The following AXL variants were observed in gnomAD, a reference collection of about 807,000 sequenced individuals.
AXL encodes the protein AXL receptor tyrosine kinase.
A neutral mutation model predicts 104.5 loss-of-function variants in AXL; 52 were observed. That is an observed-to-expected ratio of 0.50 (90% confidence interval 0.40 to 0.63). AXL has a LOEUF of 0.63. Ranked by LOEUF, AXL falls within the 20% of genes least tolerant of loss-of-function variation. The pLI is 0.00. For synonymous variants in AXL, 455 were observed against 473.7 expected, an observed-to-expected ratio of 0.96 and a Z score of 0.51; for missense variants, 1,024 against 1,188.5, an observed-to-expected ratio of 0.86 and a Z score of 2.04.
intron 15 of AXL, 125 bp from the exon 16 acceptor site, chr19:41,252,721 A>G (rs947675681): frequency 6.0e-6 from 9 of 1,510,462 alleles, no homozygotes; most frequent in Non-Finnish European, 8.0e-6. Context: ...CACTGCCACT[A>G]CCCCCAAACA....
intron 14 of AXL, among the ~76,000 whole-genome samples, chr19:41,250,314 G>A (rs1350523456): frequency 1.3e-5 from 2 of 152,214 alleles, no homozygotes; most frequent in African/African-American, 4.8e-5. Context: ...TCAGATTGGG[G>A]CTGGTGGTGA....
chr19:41,229,503 G>T (rs1182389922), intron 4 of AXL, among the ~76,000 whole-genome samples: 1 of 152,034 alleles, frequency 6.6e-6, no homozygotes, highest in Admixed American at 6.6e-5. Flanking sequence ...GGCCTCAAGC[G>T]ATCCTCCTGA....
intron 17 of AXL, among the ~76,000 whole-genome samples, chr19:41,254,439 T>A (rs531365629): frequency 6.8e-6 from 1 of 147,880 alleles, no homozygotes; most frequent in Non-Finnish European, 1.5e-5. Flanking sequence ...TAACCTGTAG[T>A]CCCAGCCATT....
At chr19:41,229,154 T>C (rs2033933351) in intron 4 of AXL, among the ~76,000 whole-genome samples, 1 of 152,170 alleles carries the variant, frequency 6.6e-6, no homozygotes, top group Non-Finnish European at 1.5e-5. Context: ...TTTCACTATG[T>C]TGGCCAGGCT....
rs79927887 is a variant in AXL at position 41,229,239 on chromosome 19, G to A, written c.587-1728G>A. Reference sequence around the variant, plus strand: ...GCTGGGATTACGGGCATGAACCACCGTGCCCAGCCTTTATTTTTCATTTTA... The same window carrying A: ...GCTGGGATTACGGGCATGAACCACCATGCCCAGCCTTTATTTTTCATTTTA... On this transcript the variant is annotated intron_variant, in intron 4 of 19. Coordinates refer to ENST00000301178, the MANE Select transcript of AXL (RefSeq NM_021913.5). Among the ~76,000 whole-genome samples the A allele has an allele frequency of 9.6e-3, 1,451 of 151,400 alleles. 33 individuals carry two copies. The highest frequency in any genetic ancestry group is 0.033 in the African/African-American group (1,375 of 41,254).
At chr19:41,257,721 C>A (rs2122293908) in intron 19 of AXL, 92 bp downstream of exon 19, 1 of 1,514,900 alleles carries the variant, frequency 6.6e-7, no homozygotes. Flanking sequence ...CTCTCTATAA[C>A]CCAGACAGAA....
intron 9 of AXL, among the ~76,000 whole-genome samples, 189 bp downstream of exon 9, chr19:41,239,503 T>TTTACCCGTGCCACACCCTCACTCCC (rs1386684105): frequency 1.4e-5 from 2 of 140,880 alleles, no homozygotes; most frequent in Non-Finnish European, 3.1e-5. Context: ...GCCTCACTCC[T>TTTACCCGTGCCACACCCTCACTCCC]TTACCCGTGC....
chr19:41,237,336 A>G (rs2034097303), intron 6 of AXL, among the ~76,000 whole-genome samples: 1 of 152,138 alleles, frequency 6.6e-6, no homozygotes, highest in Non-Finnish European at 1.5e-5. Context: ...TCTGCCTCCC[A>G]GGTTCAAGTG....
At chr19:41,243,246 C>G (rs2122248245) in intron 11 of AXL, among the ~76,000 whole-genome samples, 1 of 152,314 alleles carries the variant, frequency 6.6e-6, no homozygotes, top group South Asian at 2.1e-4. Flanking sequence ...TGGCGAAACC[C>G]TGTCTCTACT....
At position 41,257,533 on chromosome 19, in the gene AXL, G is replaced by C. The variant is rs1328864565; in HGVS notation, c.2237G>C (p.Gly746Ala). The change falls in exon 19 of 20, where the codon GGC (glycine) becomes GCC (alanine). Residue 746 changes from glycine (G) to alanine (A), a missense_variant. By Grantham distance (60) the Gly-to-Ala change is moderately conservative. Around this residue, in one of 5 missense-constraint regions of AXL, gnomAD observed 523 missense variants for 636.0 expected, o/e 0.82. Transcript: ENST00000301178. The part of the protein sequence containing the change: ...GVTMWEIATR[G>A]QTPYPGVENS... ...ACAATGTGGGAGATTGCCACAAGAGGCCAAACCCCATATCCGGGCGTGGAG... is the reference window on the plus strand; with the variant it reads ...ACAATGTGGGAGATTGCCACAAGAGCCCAAACCCCATATCCGGGCGTGGAG... 6.2e-7 allele frequency: 1 copy of C among 1,613,938 alleles called. No homozygotes were observed. Among genetic ancestry groups the C allele is most frequent in the Non-Finnish European group, 8.5e-7 (1 of 1,180,004 alleles).
At chr19:41,234,759 A>G (rs1273036584) in intron 6 of AXL, among the ~76,000 whole-genome samples, 1 of 152,208 alleles carries the variant, frequency 6.6e-6, no homozygotes, top group Non-Finnish European at 1.5e-5. Context: ...CTTAGATCCA[A>G]GGAATCTGGC....
rs551192074 is a variant in AXL, at chr19:41,232,143, G to T, written c.783+845G>T. Reference sequence around the variant, plus strand: ...CTGTGTGGTCACTGTCTGGGGATGGGTCTGTCCCCTACTGGAATGTGAGCT... The same window carrying T: ...CTGTGTGGTCACTGTCTGGGGATGGTTCTGTCCCCTACTGGAATGTGAGCT... On this transcript the variant is annotated intron_variant, in intron 6 of 19. Coordinates refer to ENST00000301178, the MANE Select transcript of AXL (RefSeq NM_021913.5). Among the ~76,000 whole-genome samples the T allele has an allele frequency of 1.5e-3, 229 of 152,274 alleles. 1 individual carries two copies. Among genetic ancestry groups the T allele is most frequent in the African/African-American group, 5.3e-3 (220 of 41,562 alleles).
At chr19:41,253,363 A>G (rs1025083415) in intron 16 of AXL, among the ~76,000 whole-genome samples, 3 of 152,150 alleles carry the variant, frequency 2.0e-5, no homozygotes, top group Non-Finnish European at 4.4e-5. Context: ...TCTGAAGACC[A>G]GACAGGAGTC....
chr19:41,221,593 G>A (rs781652638), intron 3 of AXL: 11 of 506,520 alleles, frequency 2.2e-5, no homozygotes, highest in African/African-American at 5.9e-5. Flanking sequence ...CGACCCCAGC[G>A]GTCTCTTTTT....
At chr19:41,229,225 G>A (rs966258587) in intron 4 of AXL, among the ~76,000 whole-genome samples, 2 of 151,408 alleles carry the variant, frequency 1.3e-5, no homozygotes, top group East Asian at 2.0e-4. Context: ...CTGGGATTAC[G>A]GGCATGAACC....
chr19:41,251,163 G>A (rs1260318155), intron 14 of AXL, among the ~76,000 whole-genome samples: 5 of 152,154 alleles, frequency 3.3e-5, no homozygotes, highest in Non-Finnish European at 7.3e-5. Flanking sequence ...ATAGGCCAGG[G>A]ACAGTGGCTC....
chr19:41,233,933 T>C (rs1318324512), intron 6 of AXL, among the ~76,000 whole-genome samples: 1 of 151,804 alleles, frequency 6.6e-6, no homozygotes, highest in Non-Finnish European at 1.5e-5. Flanking sequence ...GGCTGAAGAG[T>C]TCCAGTGGGA....
chr19:41,233,632 A>G (rs1219677087), intron 6 of AXL, among the ~76,000 whole-genome samples: 1 of 141,702 alleles, frequency 7.1e-6, no homozygotes, highest in East Asian at 2.1e-4. Flanking sequence ...TCTGTCTGAG[A>G]AAAAAAAAAA....
At chr19:41,229,760 G>A (rs1311354134) in intron 4 of AXL, among the ~76,000 whole-genome samples, 5 of 152,174 alleles carry the variant, frequency 3.3e-5, no homozygotes, top group Non-Finnish European at 7.3e-5. Flanking sequence ...CAGTGTGGCC[G>A]GAGAAGAGCG....
Sources: gnomAD v4.1 joint callset for allele counts (sites outside exome capture counted in the v4.1 genomes callset) on GRCh38, gnomAD v4.1.1 for gene constraint, gnomAD v4.1.1 regional missense constraint, MANE v1.5 for transcripts, NCBI Gene and HGNC (gene_info 2026-07-23, HGNC 2026-07-21) for gene names.